The following NALCN variants were observed in gnomAD, a reference collection of about 807,000 sequenced individuals.
The protein encoded by NALCN is sodium leak channel NALCN.
In NALCN, 111 loss-of-function variants were observed where a neutral mutation model predicts 225.3. The ratio of observed to expected loss-of-function variants is 0.49; its 90% CI spans 0.42 to 0.58. NALCN has a LOEUF of 0.58. Ranked by LOEUF, NALCN falls within the 20% of genes least tolerant of loss-of-function variation. The pLI is 0.00. For missense variants in NALCN, 1,378 were observed against 2,202.4 expected, an observed-to-expected ratio of 0.63 and a Z score of 7.49; for synonymous variants, 764 against 769.0, an observed-to-expected ratio of 0.99 and a Z score of 0.11.
chr13:101,065,582 A>C (rs1224138653), intron 39 of NALCN, 21 bp from the exon 40 acceptor site: 1 of 1,611,124 alleles, frequency 6.2e-7, no homozygotes, highest in Non-Finnish European at 8.5e-7. Flanking sequence ...GAGCACAAGA[A>C]GTAGCAAATC....
Position 101,068,036 on chromosome 13 carries a change from T to C in NALCN, c.4331-3A>G. 6.4e-7 allele frequency: 1 copy of C among 1,571,028 alleles called. No individual in the cohort carries two copies. The highest frequency in any genetic ancestry group is 8.6e-7 in the Non-Finnish European group (1 of 1,156,186). On this transcript the variant is annotated splice_region_variant and splice_polypyrimidine_tract_variant and intron_variant, in intron 38 of 43. Transcript: ENST00000251127. ...GGAGAAATTCTCCACAATTATGGCT[T>C]TTAAAAAAAGAAAAATTCAGAAGTT...
chr13:101,066,183 G>T (rs138492346), intron 39 of NALCN, among the ~76,000 whole-genome samples: 2 of 151,912 alleles, frequency 1.3e-5, no homozygotes, highest in South Asian at 4.2e-4. Flanking sequence ...AAAATTACCC[G>T]GACATAGTGG....
chr13:101,110,069 A>G (rs1393942241), intron 20 of NALCN, among the ~76,000 whole-genome samples: 1 of 152,198 alleles, frequency 6.6e-6, no homozygotes, highest in Non-Finnish European at 1.5e-5. Flanking sequence ...CTCGTTCCTT[A>G]AAACAGAACC....
In NALCN at chr13:101,065,543, G is replaced by A. The variant is rs1290053903; in HGVS notation, c.4465C>T (p.Arg1489Cys). The change falls in exon 40 of 44, where the codon CGC becomes TGC. Residue 1489 changes from arginine (R) to cysteine (C), a missense_variant. Around this residue, in one of 19 missense-constraint regions of NALCN, gnomAD observed 94 missense variants for 170.3 expected, o/e 0.55. Coordinates refer to ENST00000251127, the MANE Select transcript of NALCN (RefSeq NM_052867.4). The part of the protein sequence containing the change: ...DKREGVIPTF[R>C]VKFLLRLLRG... The stretch of plus-strand genomic sequence containing the variant: ...AGTAGCCGCAGCAGGAACTTGACGC[G>A]GAACGTGGGGATCACCCCCTGCGGG... The A allele has an allele frequency of 5.6e-6, 9 of 1,613,976 alleles. No homozygotes were observed. The highest frequency in any genetic ancestry group is 7.6e-6 in the Non-Finnish European group (9 of 1,180,008).
intron 7 of NALCN, among the ~76,000 whole-genome samples, chr13:101,334,210 G>A (rs9585675): frequency 0.046 from 6,971 of 151,870 alleles, 504 homozygotes; most frequent in African/African-American, 0.16. Flanking sequence ...ACTCCCAGAC[G>A]GTGGGACACA....
At chr13:101,321,128 T>C (rs2044732446) in intron 7 of NALCN, among the ~76,000 whole-genome samples, 1 of 152,222 alleles carries the variant, frequency 6.6e-6, no homozygotes. Flanking sequence ...TGGCTTCTGT[T>C]TAGAATCCTA....
chr13:101,189,133 C>A (rs1386422347), intron 14 of NALCN, among the ~76,000 whole-genome samples: 1 of 152,060 alleles, frequency 6.6e-6, no homozygotes, highest in Non-Finnish European at 1.5e-5. Context: ...AATTGTTTTT[C>A]TCTTTAGTGT....
At chr13:101,110,788 A>G in intron 19 of NALCN, 100 bp from the exon 20 acceptor site, 1 of 1,164,264 alleles carries the variant, frequency 8.6e-7, no homozygotes, top group Admixed American at 1.7e-5. Context: ...TTTCTGCTAC[A>G]ACGCCACAAA....
rs185306802 is a variant in NALCN at position 101,126,512 on chromosome 13, T to A, written c.2119-1831A>T. ...TTTGGCATAATTTTTTTTTTTTTTT[T>A]AAGATAGTCTTGCTCTGCCATCCAG... is the stretch of plus-strand genomic sequence containing the variant. On this transcript the variant is annotated intron_variant, in intron 17 of 43. Transcript: ENST00000251127. 9.0e-3 allele frequency among the ~76,000 whole-genome samples: 1,340 copies of A among 148,246 alleles called. 12 individuals are homozygous for A. Among genetic ancestry groups the A allele is most frequent in the Non-Finnish European group, 0.015 (974 of 66,908 alleles).
At chr13:101,191,038 G>C (rs1379248773) in intron 14 of NALCN, among the ~76,000 whole-genome samples, 1 of 152,026 alleles carries the variant, frequency 6.6e-6, no homozygotes, top group African/African-American at 2.4e-5. Flanking sequence ...TATCTAATCG[G>C]GTGTTCCAAA....
At chr13:101,116,002 T>C (rs1162248142) in intron 18 of NALCN, among the ~76,000 whole-genome samples, 4 of 152,178 alleles carry the variant, frequency 2.6e-5, no homozygotes, top group Non-Finnish European at 4.4e-5. Context: ...AGGAAATTCT[T>C]CATTATGCAG....
intron 13 of NALCN, among the ~76,000 whole-genome samples, chr13:101,197,077 G>A (rs1349324451): frequency 6.6e-6 from 1 of 152,068 alleles, no homozygotes; most frequent in Non-Finnish European, 1.5e-5. Context: ...GAGATCTAGT[G>A]GATTATTTTG....
At chr13:101,092,157 G>C (rs532313640) in intron 28 of NALCN, among the ~76,000 whole-genome samples, 1 of 152,140 alleles carries the variant, frequency 6.6e-6, no homozygotes, top group East Asian at 1.9e-4. Flanking sequence ...TTGTAATCTT[G>C]CCTGTCCAAT....
In NALCN at chr13:101,124,687, A is replaced by G; in HGVS notation, c.2119-6T>C. 1 of 1,613,476 alleles carries G rather than the reference A, an allele frequency of 6.2e-7. No homozygotes were observed. Among genetic ancestry groups the G allele is most frequent in the Non-Finnish European group, 8.5e-7 (1 of 1,179,604 alleles). On this transcript the variant is annotated splice_region_variant and splice_polypyrimidine_tract_variant and intron_variant, in intron 17 of 43. Coordinates refer to ENST00000251127, the MANE Select transcript of NALCN (RefSeq NM_052867.4). The stretch of plus-strand genomic sequence containing the variant: ...CTGAAAACAGACTTGCGAAGCTGAA[A>G]ATGATAAGAGTATGACTTTTAGTTT...
chr13:101,210,867 A>G (rs1194232643), intron 13 of NALCN, among the ~76,000 whole-genome samples: 2 of 152,134 alleles, frequency 1.3e-5, no homozygotes, highest in Non-Finnish European at 2.9e-5. Context: ...TAAGTTATGT[A>G]TTATTATCCT....
intron 12 of NALCN, among the ~76,000 whole-genome samples, chr13:101,236,765 G>T (rs1357491223): frequency 7.9e-6 from 1 of 127,274 alleles, no homozygotes; most frequent in African/African-American, 2.8e-5. Flanking sequence ...GGCCTGTTGT[G>T]GGGTGGGGGG....
intron 9 of NALCN, among the ~76,000 whole-genome samples, chr13:101,287,735 T>C (rs898548795): frequency 6.6e-6 from 1 of 152,210 alleles, no homozygotes; most frequent in Non-Finnish European, 1.5e-5. Context: ...TTGAGAATTC[T>C]CTCAGGCCTG....
At chr13:101,406,834 C>T (rs956148996) in intron 1 of NALCN, among the ~76,000 whole-genome samples, 2 of 152,068 alleles carry the variant, frequency 1.3e-5, no homozygotes, top group Admixed American at 1.3e-4. Flanking sequence ...ATGAGAAAAA[C>T]ATATTTACTA....
intron 43 of NALCN, among the ~76,000 whole-genome samples, chr13:101,055,887 T>G (rs1328372002): frequency 1.3e-5 from 2 of 151,846 alleles, no homozygotes; most frequent in Non-Finnish European, 2.9e-5. Context: ...GGGGATGCAG[T>G]GAGGGTATGG....
Sources: allele counts gnomAD v4.1 joint callset (sites outside exome capture counted in the v4.1 genomes callset), GRCh38; gene constraint gnomAD v4.1.1; regional missense constraint gnomAD v4.1.1; transcripts MANE v1.5; gene names NCBI Gene and HGNC (gene_info 2026-07-23, HGNC 2026-07-21).